Variants in PDS5B observed in about 807,000 individuals in gnomAD.
PDS5B encodes sister chromatid cohesion protein PDS5 homolog B.
In PDS5B, 51 loss-of-function variants were observed where a neutral mutation model predicts 184.1. The ratio of observed to expected loss-of-function variants is 0.28; its 90% confidence interval spans 0.22 to 0.35. PDS5B has a LOEUF of 0.35. PDS5B is among the 10% of genes least tolerant of loss of function. PDS5B has a pLI of 1.00. For synonymous variants in PDS5B, 566 were observed against 569.2 expected (o/e 0.99, Z 0.08); for missense variants, 1,180 against 1,723.3 (o/e 0.68, Z 5.58).
At chr13:32,665,623 A>G (rs1361399240) in intron 6 of PDS5B, among the ~76,000 whole-genome samples, 1 of 150,070 alleles carries the variant, frequency 6.7e-6, no homozygotes, top group Non-Finnish European at 1.5e-5. Context: ...AAGAAAATAA[A>G]CATCTTTACA....
chr13:32,715,138 A>C (rs1431148128), intron 19 of PDS5B, among the ~76,000 whole-genome samples: 2 of 152,166 alleles, frequency 1.3e-5, no homozygotes, highest in East Asian at 3.8e-4. Flanking sequence ...GCAGTGGAAA[A>C]TAATGAAGCT....
intron 1 of PDS5B, among the ~76,000 whole-genome samples, chr13:32,623,362 T>G (rs2058327638): frequency 6.6e-6 from 1 of 152,326 alleles, no homozygotes; most frequent in South Asian, 2.1e-4. Flanking sequence ...CTGTTTATCC[T>G]TATATCTTAG....
intron 23 of PDS5B, among the ~76,000 whole-genome samples, chr13:32,743,429 A>T (rs981790134): frequency 6.6e-6 from 1 of 152,190 alleles, no homozygotes; most frequent in Non-Finnish European, 1.5e-5. Context: ...GCACATAATA[A>T]TTAGAAGCAT....
intron 1 of PDS5B, among the ~76,000 whole-genome samples, chr13:32,597,689 A>G (rs2057899997): frequency 6.6e-6 from 1 of 151,914 alleles, no homozygotes; most frequent in Non-Finnish European, 1.5e-5. Flanking sequence ...CTACTAAAAA[A>G]TACAAAAATT....
intron 1 of PDS5B, among the ~76,000 whole-genome samples, chr13:32,645,900 TTC>T (rs1485745874): frequency 2.0e-5 from 3 of 152,166 alleles, no homozygotes; most frequent in Non-Finnish European, 4.4e-5. Flanking sequence ...TAGATTAGGT[TTC>T]TCTGTTTTCG....
intron 1 of PDS5B, among the ~76,000 whole-genome samples, chr13:32,640,793 G>C (rs1217170530): frequency 6.7e-6 from 1 of 148,292 alleles, no homozygotes; most frequent in Admixed American, 6.9e-5. Context: ...GGTGGCTCAC[G>C]CCTGTAATCC....
At chr13:32,713,905 C>T (rs941473394) in intron 19 of PDS5B, among the ~76,000 whole-genome samples, 6 of 152,034 alleles carry the variant, frequency 3.9e-5, no homozygotes, top group Non-Finnish European at 8.8e-5. Context: ...GGGAACCTGC[C>T]CCGATAATCA....
intron 1 of PDS5B, among the ~76,000 whole-genome samples, chr13:32,610,656 T>C (rs923878602): frequency 2.0e-5 from 3 of 152,078 alleles, no homozygotes; most frequent in Non-Finnish European, 4.4e-5. Context: ...ATTTTTTCCT[T>C]TGAGAGATAT....
intron 1 of PDS5B, among the ~76,000 whole-genome samples, chr13:32,605,429 C>G (rs930585734): frequency 6.6e-6 from 1 of 152,174 alleles, no homozygotes; most frequent in Non-Finnish European, 1.5e-5. Context: ...GCACTGTGCT[C>G]TGAGAGACAG....
chr13:32,760,451 G>A, intron 29 of PDS5B, 124 bp from the exon 30 acceptor site: 1 of 847,152 alleles, frequency 1.2e-6, no homozygotes, highest in South Asian at 1.8e-5. Context: ...CTTTGCTTAA[G>A]GATAGACACA....
At chr13:32,612,416 G>A (rs1042256329) in intron 1 of PDS5B, among the ~76,000 whole-genome samples, 66 of 152,130 alleles carry the variant, frequency 4.3e-4, no homozygotes, top group African/African-American at 1.4e-3. Context: ...TTTACATATC[G>A]TATAGTTAAC....
chr13:32,736,510 C>T (rs545867349), intron 21 of PDS5B, among the ~76,000 whole-genome samples: 1 of 151,912 alleles, frequency 6.6e-6, no homozygotes, highest in South Asian at 2.1e-4. Context: ...TGAAGGTCTT[C>T]TGTCTGTTTG....
chr13:32,622,769 C>T (rs1438850992), intron 1 of PDS5B, among the ~76,000 whole-genome samples: 1 of 151,930 alleles, frequency 6.6e-6, no homozygotes. Context: ...GTGATGGCTT[C>T]TGTATGTGTT....
intron 1 of PDS5B, among the ~76,000 whole-genome samples, 182 bp from the exon 2 acceptor site, chr13:32,648,572 G>C (rs764234377): frequency 1.3e-5 from 2 of 152,094 alleles, no homozygotes; most frequent in South Asian, 2.1e-4. Context: ...AATAAGTTTT[G>C]TTTTTCTAAA....
At chr13:32,760,440 A>G in intron 29 of PDS5B, 135 bp from the exon 30 acceptor site, 1 of 717,052 alleles carries the variant, frequency 1.4e-6, no homozygotes, top group Non-Finnish European at 2.3e-6. Flanking sequence ...TATACTTATT[A>G]CTTTGCTTAA....
At chr13:32,637,058 T>C (rs2058573773) in intron 1 of PDS5B, among the ~76,000 whole-genome samples, 1 of 152,166 alleles carries the variant, frequency 6.6e-6, no homozygotes, top group Non-Finnish European at 1.5e-5. Context: ...ATGGTCAGAT[T>C]AGTATATTTG....
chr13:32,631,261 T>G (rs889593612), intron 1 of PDS5B, among the ~76,000 whole-genome samples: 2 of 151,748 alleles, frequency 1.3e-5, no homozygotes, highest in Admixed American at 6.6e-5. Context: ...GGACTAATTT[T>G]TTTGTATTTT....
chr13:32,744,597 G>A (rs1953679825), intron 23 of PDS5B, among the ~76,000 whole-genome samples: 1 of 152,156 alleles, frequency 6.6e-6, no homozygotes, highest in Admixed American at 6.5e-5. Context: ...TGGTCCAGAT[G>A]GGAAATTTTA....
intron 24 of PDS5B, among the ~76,000 whole-genome samples, chr13:32,748,674 AAT>A (rs2140988433): frequency 6.6e-6 from 1 of 152,246 alleles, no homozygotes; most frequent in Non-Finnish European, 1.5e-5. Context: ...TGAGAGTTAT[AAT>A]ATTTCCCAGA....
Sources: gnomAD v4.1 joint callset for allele counts (sites outside exome capture counted in the v4.1 genomes callset) on GRCh38, gnomAD v4.1.1 for gene constraint, MANE v1.5 for transcripts, NCBI Gene and HGNC (gene_info 2026-07-23, HGNC 2026-07-21) for gene names.